Variants in KHDRBS2 observed in about 807,000 individuals in gnomAD.
KHDRBS2 encodes the protein KH RNA binding domain containing, signal transduction associated 2.
Under a neutral mutation model 44.3 loss-of-function variants are expected in KHDRBS2, and 26 were observed. The ratio of observed to expected loss-of-function variants is 0.59; its 90% CI spans 0.43 to 0.81. The LOEUF (loss-of-function observed/expected upper bound fraction) is 0.81, where lower values mean the gene tolerates loss of function less well. Ranked by LOEUF, KHDRBS2 falls within the 40% of genes least tolerant of loss-of-function variation. The pLI is 0.00. For synonymous variants in KHDRBS2, 194 were observed against 151.1 expected (o/e 1.28, Z -2.08); for missense variants, 476 against 433.1 (o/e 1.10, Z -0.88).
At chr6:62,136,993 C>CTT (rs141092447) in intron 2 of KHDRBS2, among the ~76,000 whole-genome samples, 1,155 of 77,874 alleles carry the variant, frequency 0.015, 2 homozygotes, top group Middle Eastern at 0.026. Flanking sequence ...TCTTTCTTTT[C>CTT]TTTTTTTTTT....
chr6:62,106,589 T>A (rs571953574), intron 2 of KHDRBS2, among the ~76,000 whole-genome samples: 1 of 152,206 alleles, frequency 6.6e-6, no homozygotes, highest in South Asian at 2.1e-4. Flanking sequence ...AAAGAGGGAA[T>A]CCTCCCTAAC....
intron 2 of KHDRBS2, among the ~76,000 whole-genome samples, chr6:62,139,565 A>G (rs1812336368): frequency 6.6e-6 from 1 of 151,946 alleles, no homozygotes; most frequent in African/African-American, 2.4e-5. Context: ...AAAAAAAATA[A>G]AAAGAAATTT....
At chr6:62,101,222 A>C (rs1400478794) in intron 2 of KHDRBS2, among the ~76,000 whole-genome samples, 2 of 151,074 alleles carry the variant, frequency 1.3e-5, no homozygotes, top group Non-Finnish European at 3.0e-5. Flanking sequence ...TTGTCCTAAA[A>C]TCTTTTTTTT....
the KHDRBS2 span, among the ~76,000 whole-genome samples, chr6:61,643,922 C>G: frequency 6.6e-6 from 1 of 152,094 alleles, no homozygotes; most frequent in Non-Finnish European, 1.5e-5. Context: ...ATCAAACTAC[C>G]AATGACATTC....
At chr6:61,598,680 G>A in the KHDRBS2 span, among the ~76,000 whole-genome samples, 2,445 of 152,140 alleles carry the variant, frequency 0.016, 68 homozygotes, top group African/African-American at 0.057. Flanking sequence ...CTGACCCAAC[G>A]GAATCTACTT....
intron 2 of KHDRBS2, among the ~76,000 whole-genome samples, chr6:62,169,358 T>C (rs1328953372): frequency 6.6e-6 from 1 of 151,704 alleles, no homozygotes; most frequent in African/African-American, 2.4e-5. Context: ...GAGGAACATA[T>C]TGACAAATGT....
At chr6:61,664,639 A>T in the KHDRBS2 span, among the ~76,000 whole-genome samples, 2 of 151,878 alleles carry the variant, frequency 1.3e-5, no homozygotes, top group Admixed American at 1.3e-4. Context: ...CAAGTTTAAG[A>T]GATGTCAAGC....
chr6:61,818,852 C>T (rs1458898482), intron 6 of KHDRBS2, among the ~76,000 whole-genome samples: 1 of 151,814 alleles, frequency 6.6e-6, no homozygotes, highest in African/African-American at 2.4e-5. Context: ...CAATGTTTTT[C>T]CTTGTTACTT....
At chr6:61,748,853 C>G (rs1777224289) in intron 6 of KHDRBS2, among the ~76,000 whole-genome samples, 1 of 152,060 alleles carries the variant, frequency 6.6e-6, no homozygotes, top group Non-Finnish European at 1.5e-5. Flanking sequence ...AATGGAAATT[C>G]TCTATGCCCT....
chr6:61,898,201 G>A (rs1457564251), intron 5 of KHDRBS2, among the ~76,000 whole-genome samples: 7 of 151,630 alleles, frequency 4.6e-5, no homozygotes, highest in Non-Finnish European at 5.9e-5. Flanking sequence ...ATTCAAATTA[G>A]GAATTGTTAA....
intron 6 of KHDRBS2, among the ~76,000 whole-genome samples, chr6:61,746,442 A>G (rs1776869442): frequency 6.7e-6 from 1 of 150,286 alleles, no homozygotes; most frequent in Non-Finnish European, 1.5e-5. Context: ...TTTGCTGAAG[A>G]TGATGGTTTC....
At chr6:61,552,808 T>C in the KHDRBS2 span, among the ~76,000 whole-genome samples, 2 of 152,216 alleles carry the variant, frequency 1.3e-5, no homozygotes, top group Non-Finnish European at 2.9e-5. Flanking sequence ...ATTTGTTCAT[T>C]TGCATGTGTT....
intron 2 of KHDRBS2, among the ~76,000 whole-genome samples, chr6:62,096,042 A>G (rs1315154020): frequency 3.3e-5 from 5 of 151,902 alleles, no homozygotes; most frequent in Non-Finnish European, 7.4e-5. Flanking sequence ...CGTATATTGA[A>G]CCATACGTAT....
At chr6:61,737,360 A>G (rs544636174) in intron 6 of KHDRBS2, among the ~76,000 whole-genome samples, 1 of 152,248 alleles carries the variant, frequency 6.6e-6, no homozygotes, top group Admixed American at 6.6e-5. Flanking sequence ...TATTTTTCCA[A>G]TACTTGATAT....
chr6:62,130,370 C>T (rs1810002202), intron 2 of KHDRBS2, among the ~76,000 whole-genome samples: 1 of 152,104 alleles, frequency 6.6e-6, no homozygotes, highest in Admixed American at 6.6e-5. Context: ...TAATCAGATA[C>T]CTATGCCGCT....
intron 6 of KHDRBS2, among the ~76,000 whole-genome samples, chr6:61,742,903 C>T (rs867474485): frequency 4.6e-5 from 7 of 151,996 alleles, no homozygotes; most frequent in South Asian, 2.1e-4. Context: ...AACAATTTTC[C>T]CTTATATATG....
chr6:61,749,133 C>A (rs1412190327), intron 6 of KHDRBS2, among the ~76,000 whole-genome samples: 1 of 150,996 alleles, frequency 6.6e-6, no homozygotes, highest in Non-Finnish European at 1.5e-5. Context: ...CTGCTTCAGC[C>A]TCCCGAGTAG....
intron 6 of KHDRBS2, among the ~76,000 whole-genome samples, chr6:61,814,714 G>A (rs186761435): frequency 6.6e-6 from 1 of 152,248 alleles, no homozygotes; most frequent in East Asian, 1.9e-4. Flanking sequence ...AGTGTGGTCA[G>A]GGGTGGGCAT....
At chr6:61,724,164 A>G (rs1274700227) in intron 7 of KHDRBS2, among the ~76,000 whole-genome samples, 1 of 152,182 alleles carries the variant, frequency 6.6e-6, no homozygotes, top group African/African-American at 2.4e-5. Context: ...CCAATATTCA[A>G]TATTGTTAAA....
Sources: gnomAD v4.1 joint callset for allele counts (sites outside exome capture counted in the v4.1 genomes callset) on GRCh38, gnomAD v4.1.1 for gene constraint, MANE v1.5 for transcripts, NCBI Gene and HGNC (gene_info 2026-07-23, HGNC 2026-07-21) for gene names.